ABCB9: variants seen among roughly 807,000 people sequenced by gnomAD.
ABCB9 encodes the protein ATP binding cassette subfamily B member 9, also known as ABC-type oligopeptide transporter ABCB9.
In ABCB9, 36 loss-of-function variants were observed where a neutral mutation model predicts 62.0. The ratio of observed to expected loss-of-function variants is 0.58; its 90% CI spans 0.45 to 0.77. The LOEUF (loss-of-function observed/expected upper bound fraction) is 0.77. Among genes scored for constraint, ABCB9 ranks in the 30% least tolerant of loss-of-function variants. The pLI, the probability that ABCB9 is intolerant of heterozygous loss-of-function variation, is 0.00. For synonymous variants in ABCB9, 435 were observed against 461.4 expected (o/e 0.94, Z 0.73); for missense variants, 943 against 1,054.7 (o/e 0.89, Z 1.47).
intron 2 of ABCB9, among the ~76,000 whole-genome samples, chr12:122,954,451 GC>G (rs1022719728): frequency 2.6e-5 from 4 of 151,908 alleles, no homozygotes; most frequent in Non-Finnish European, 2.9e-5. Context: ...CAGGTGATCT[GC>G]CCCCCCTTGC....
At chr12:122,935,127 G>T in intron 10 of ABCB9, 145 bp downstream of exon 10, 1 of 1,010,712 alleles carries the variant, frequency 9.9e-7, no homozygotes, top group Non-Finnish European at 1.4e-6. Context: ...AGCGCAGGAG[G>T]TTCGAGTCTG....
downstream of ABCB9, chr12:122,924,423 G>A (rs992061310): frequency 1.8e-5 from 5 of 285,404 alleles, no homozygotes; most frequent in South Asian, 1.1e-4. Flanking sequence ...GCAGTGCAGT[G>A]GCACGATCAT....
chr12:122,965,805 T>C (rs534652280), intron 1 of ABCB9, among the ~76,000 whole-genome samples: 15 of 151,724 alleles, frequency 9.9e-5, no homozygotes, highest in African/African-American at 3.1e-4. Context: ...CCAGCGTGGA[T>C]GGCGGGGAGC....
Position 122,929,721 on chromosome 12 carries a change from G to A in ABCB9, c.*190C>T. On this transcript the variant is annotated 3_prime_UTR_variant, in exon 12 of 12. Transcript: ENST00000280560. The surrounding 1 kb of genome is among the most constrained non-coding windows in gnomAD (Gnocchi z 6.0). The stretch of plus-strand genomic sequence containing the variant: ...GAAGGCGTTGGCTCAGGGCAGCAGG[G>A]GTAAGGAGTGCCCTGGGAATGGGGC... The A allele has an allele frequency of 7.3e-7, 1 of 1,374,282 alleles. No individual in the cohort carries two copies. Among genetic ancestry groups the A allele is most frequent in the Non-Finnish European group, 9.4e-7 (1 of 1,062,068 alleles). 85.1% of individuals were successfully genotyped at this position (1,374,282 alleles called of 1,614,324 possible). A position where few individuals can be genotyped will look rare whatever the true frequency, so the allele number is the denominator to read the frequency against.
At position 122,959,902 on chromosome 12, in the gene ABCB9, G is replaced by A. The variant is rs373651156; in HGVS notation, c.334C>T (p.Arg112Trp). 138 of 1,613,474 alleles carry A rather than the reference G, an allele frequency of 8.6e-5. 1 individual carries two copies. The highest frequency in any genetic ancestry group is 1.1e-4 in the Non-Finnish European group (124 of 1,179,914). ...AACAGGGCCCAAAACCAGGGGTCCCGGATGGGCCTGCGCACCTCTGAGAAG... is the reference window on the plus strand; with the variant it reads ...AACAGGGCCCAAAACCAGGGGTCCCAGATGGGCCTGCGCACCTCTGAGAAG... ...LLFSEVRRPI[R>W]DPWFWALFVW... Residue 112 changes from arginine (R) to tryptophan (W), a missense_variant, in exon 2 of 12, where the codon CGG becomes TGG. Arg to Trp is a moderately radical substitution (Grantham distance 101). Coordinates refer to ENST00000280560, the MANE Select transcript of ABCB9 (RefSeq NM_019625.4). This position sits in a 1 kb window ranked among gnomAD's most constrained non-coding sequence, Gnocchi z 5.4.
At chr12:122,966,606 C>G (rs931395705), upstream of ABCB9, 6 of 151,716 alleles carry the variant, frequency 4.0e-5, no homozygotes, top group African/African-American at 1.2e-4. Context: ...CGGGGCGGGG[C>G]CCCCGAGGAG....
At chr12:122,949,218 C>G (rs1477400892) in intron 4 of ABCB9, 1 of 179,294 alleles carries the variant, frequency 5.6e-6, no homozygotes, top group African/African-American at 2.4e-5. Flanking sequence ...GGCAGGAAAG[C>G]GCAGACACTT....
downstream of ABCB9, among the ~76,000 whole-genome samples, chr12:122,927,196 C>T (rs1272589739): frequency 6.6e-6 from 1 of 151,176 alleles, no homozygotes; most frequent in Non-Finnish European, 1.5e-5. Context: ...TTTTTTGAGA[C>T]AGTCTCGCTC....
intron 5 of ABCB9, 92 bp downstream of exon 5, chr12:122,948,532 A>G (rs2036170564): frequency 8.1e-7 from 1 of 1,232,830 alleles, no homozygotes; most frequent in African/African-American, 1.5e-5. Context: ...CCTGTCCTTC[A>G]CTAGCCCTTA....
rs1213221335 is a variant in ABCB9, at chr12:122,960,020, A to C, written c.216T>G (p.Ser72Arg). ...LGATIGVAKN[S>R]ALGPRRLRAS... is the part of the protein sequence containing the mutation. ...CCCGCAGCCGCCGGGGCCCCAGCGC[A>C]CTGTTCTTGGCCACACCAATGGTGG... Residue 72 changes from serine to arginine, a missense_variant, in exon 2 of 12, where the codon AGT becomes AGG. By Grantham distance (110) the Ser-to-Arg change is moderately radical. Transcript: ENST00000280560. 4 of 1,613,380 alleles carry C rather than the reference A, an allele frequency of 2.5e-6. No individual in the cohort carries two copies. The highest frequency in any genetic ancestry group is 3.4e-6 in the Non-Finnish European group (4 of 1,180,012).
upstream of ABCB9, among the ~76,000 whole-genome samples, chr12:122,969,718 C>G (rs2037248969): frequency 6.9e-6 from 1 of 144,312 alleles, no homozygotes; most frequent in Non-Finnish European, 1.5e-5. Flanking sequence ...GCCTGGGCGA[C>G]AGAGACCCTG....
At position 122,940,781 on chromosome 12, in the gene ABCB9, T is replaced by C. The variant is rs760564881; in HGVS notation, c.1569+26A>G. 5.8e-6 allele frequency: 9 copies of C among 1,541,922 alleles called. No individual in the cohort carries two copies. In the South Asian group the frequency reaches 9.8e-5, roughly 17 times the overall value. On this transcript the variant is annotated intron_variant, in intron 8 of 11. Coordinates refer to ENST00000280560, the MANE Select transcript of ABCB9 (RefSeq NM_019625.4). The surrounding 1 kb of genome is among the most constrained non-coding windows in gnomAD (Gnocchi z 4.8). ...AATGGGGTGACGGAAAGGCTGATTCTGGCAGGCCTCAAGCCGCGCCCTCAC... is the reference window on the plus strand; with the variant it reads ...AATGGGGTGACGGAAAGGCTGATTCCGGCAGGCCTCAAGCCGCGCCCTCAC...
upstream of ABCB9, among the ~76,000 whole-genome samples, chr12:122,969,989 A>C (rs1008369050): frequency 6.6e-6 from 1 of 152,176 alleles, no homozygotes; most frequent in Non-Finnish European, 1.5e-5. Context: ...CTCTTACTAC[A>C]TGATCAGGCA....
At chr12:122,935,135 C>G (rs1412152790) in intron 10 of ABCB9, 137 bp downstream of exon 10, 4 of 1,091,278 alleles carry the variant, frequency 3.7e-6, no homozygotes, top group Non-Finnish European at 5.0e-6. Flanking sequence ...AGGTTCGAGT[C>G]TGGCCAGGGT....
Position 122,947,133 on chromosome 12 carries a change from C to A in ABCB9, c.1054-911G>T, listed in dbSNP as rs923152939. 6.6e-6 allele frequency among the ~76,000 whole-genome samples: 1 copy of A among 152,160 alleles called. No homozygotes were observed. Among genetic ancestry groups the A allele is most frequent in the Non-Finnish European group, 1.5e-5 (1 of 68,020 alleles). On this transcript the variant is annotated intron_variant, in intron 5 of 11. Coordinates refer to ENST00000280560, the MANE Select transcript of ABCB9 (RefSeq NM_019625.4). This position sits in a 1 kb window ranked among gnomAD's most constrained non-coding sequence, Gnocchi z 6.0. ...CTTCCTGAGGCCTCCCTTAGCTGAA[C>A]TAAAAGGCAGGGCCTGCAGTGCACA...
At chr12:122,942,543 C>T (rs1187255575) in intron 7 of ABCB9, among the ~76,000 whole-genome samples, 6 of 147,898 alleles carry the variant, frequency 4.1e-5, no homozygotes, top group Non-Finnish European at 7.4e-5. Flanking sequence ...AGCTTGAACC[C>T]GGGAGGCAGG....
intron 9 of ABCB9, 40 bp from the exon 10 acceptor site, chr12:122,935,471 G>A (rs1485767795): frequency 1.3e-6 from 2 of 1,592,146 alleles, no homozygotes; most frequent in African/African-American, 1.3e-5. Flanking sequence ...GGCCAGGAAT[G>A]TGTTCATCCA....
intron 1 of ABCB9, among the ~76,000 whole-genome samples, chr12:122,971,979 C>T (rs1030754090): frequency 1.3e-5 from 2 of 149,196 alleles, no homozygotes; most frequent in South Asian, 4.3e-4. Flanking sequence ...TGGTAAATTT[C>T]GTTATGTAGA....
chr12:122,948,942 GT>G, intron 4 of ABCB9, 113 bp from the exon 5 acceptor site: 2 of 839,390 alleles, frequency 2.4e-6, no homozygotes, highest in Non-Finnish European at 1.7e-6. Context: ...CTCCCTACCT[GT>G]GGGCGGGGTT....
Sources: allele counts gnomAD v4.1 joint callset (sites outside exome capture counted in the v4.1 genomes callset), GRCh38; gene constraint gnomAD v4.1.1; non-coding constraint Gnocchi (gnomAD v3.1); transcripts MANE v1.5; gene names NCBI Gene and HGNC (gene_info 2026-07-23, HGNC 2026-07-21).